Variants in GYPE observed in about 807,000 individuals in gnomAD.
GYPE encodes glycophorin-E.
Under a neutral mutation model 11.6 loss-of-function variants are expected in GYPE, and 8 were observed. The observed-to-expected ratio is 0.69, with a 90% CI of 0.41 to 1.25. The LOEUF is 1.25. Ranked by LOEUF, GYPE falls within the 50% of genes most tolerant of loss-of-function variation. The probability of loss-of-function intolerance (pLI) is 0.01; values close to 1 mark genes in which losing one functional copy is unlikely to be tolerated. For synonymous variants in GYPE, 28 were observed against 29.6 expected, an observed-to-expected ratio of 0.94 and a Z score of 0.18; for missense variants, 90 against 92.8, an observed-to-expected ratio of 0.97 and a Z score of 0.12.
intron 1 of GYPE, among the ~76,000 whole-genome samples, chr4:143,898,289 A>G (rs1446851791): frequency 6.6e-6 from 1 of 152,162 alleles, no homozygotes; most frequent in African/African-American, 2.4e-5. Flanking sequence ...AGGCAGGAGA[A>G]TTGCTTGAAC....
intron 1 of GYPE, among the ~76,000 whole-genome samples, chr4:143,889,202 A>G (rs1469108422): frequency 2.0e-5 from 3 of 151,922 alleles, no homozygotes; most frequent in Non-Finnish European, 4.4e-5. Context: ...GCTTCCCTTC[A>G]GGAAGCCTGA....
At chr4:143,894,851 T>G (rs1470848413) in intron 1 of GYPE, among the ~76,000 whole-genome samples, 1 of 151,938 alleles carries the variant, frequency 6.6e-6, no homozygotes, top group Non-Finnish European at 1.5e-5. Context: ...TGGTTCAATA[T>G]ACGCAAATCA....
intron 3 of GYPE, chr4:143,873,498 G>T: frequency 4.4e-6 from 2 of 455,496 alleles, no homozygotes; most frequent in South Asian, 3.1e-5. Context: ...AGAGCCATGA[G>T]AAGGGTCAAG....
At chr4:143,893,670 C>A (rs555944724) in intron 1 of GYPE, among the ~76,000 whole-genome samples, 3 of 152,190 alleles carry the variant, frequency 2.0e-5, no homozygotes, top group African/African-American at 7.2e-5. Flanking sequence ...GAGTTTCTGC[C>A]GAGAGATCTG....
chr4:143,892,669 G>A (rs1415719847), intron 1 of GYPE, among the ~76,000 whole-genome samples: 3 of 151,830 alleles, frequency 2.0e-5, no homozygotes, highest in Non-Finnish European at 4.4e-5. Context: ...ACTGTGGTCT[G>A]AGAGACAGTT....
rs1323012766 is a variant in GYPE at position 143,872,088 on chromosome 4, C to T, written c.*174G>A. The T allele has an allele frequency of 3.9e-5, 6 of 152,466 alleles. No homozygotes were observed. The highest frequency in any genetic ancestry group is 7.4e-5 in the Non-Finnish European group (5 of 68,022). The allele number at this position is 152,466 out of a possible 1,614,324, so 9.4% of individuals were successfully genotyped here. ...AAATTCTCTCTACGCCTTTGAGAGA[C>T]TCAGCATTTAGTTTCTGACTCCTAG... is the stretch of plus-strand genomic sequence containing the variant. On this transcript the variant is annotated 3_prime_UTR_variant, in exon 4 of 4. Transcript: ENST00000358615.
chr4:143,881,947 C>T (rs1386974596), intron 1 of GYPE, among the ~76,000 whole-genome samples: 2 of 152,152 alleles, frequency 1.3e-5, no homozygotes, highest in African/African-American at 2.4e-5. Flanking sequence ...AAAACATCTT[C>T]TCTGACACCT....
Position 143,905,504 on chromosome 4 carries a change from A to T in GYPE, c.4T>A (p.Tyr2Asn). The T allele has an allele frequency of 6.2e-7, 1 of 1,613,280 alleles. No individual in the cohort carries two copies. The highest frequency in any genetic ancestry group is 8.5e-7 in the Non-Finnish European group (1 of 1,179,338). Residue 2 changes from tyrosine (Y) to asparagine (N), a missense_variant, in exon 1 of 4, where the codon TAT becomes AAT. By Grantham distance (143) the Tyr-to-Asn change is moderately radical. Transcript: ENST00000358615. ...AGTAATACAAAGATTATTTTTCCAT[A>T]CATCCTGAGATCACGAGCTGGCTCC... MYGKIIFVLLLS... is the reference protein window; with the variant it reads MNGKIIFVLLLS...
At chr4:143,877,861 G>A (rs977996822) in intron 2 of GYPE, among the ~76,000 whole-genome samples, 2 of 148,204 alleles carry the variant, frequency 1.3e-5, no homozygotes, top group African/African-American at 5.0e-5. Flanking sequence ...CTTCAGCAGA[G>A]GTTGTCAAGA....
rs143669744 is a variant in GYPE, at chr4:143,901,162, A to G, written c.37+4309T>C. On this transcript the variant is annotated intron_variant, in intron 1 of 3. Coordinates refer to ENST00000358615, the MANE Select transcript of GYPE (RefSeq NM_198682.3). ...ACCAAAGTTGATCAAATAACTGTTTATAGAACTTTGTACACTACAAACAAA... is the reference window on the plus strand; with the variant it reads ...ACCAAAGTTGATCAAATAACTGTTTGTAGAACTTTGTACACTACAAACAAA... Among the ~76,000 whole-genome samples, 1,075 of 152,238 alleles carry G rather than the reference A, an allele frequency of 7.1e-3. 13 individuals carry two copies. Among genetic ancestry groups the G allele is most frequent in the African/African-American group, 0.024 (1,000 of 41,532 alleles).
At chr4:143,897,313 A>C (rs552226422) in intron 1 of GYPE, among the ~76,000 whole-genome samples, 3 of 151,766 alleles carry the variant, frequency 2.0e-5, no homozygotes, top group African/African-American at 4.8e-5. Flanking sequence ...ATTAAATAAC[A>C]AAAAAATTAG....
At chr4:143,875,433 G>T in intron 3 of GYPE, 1 of 1,549,852 alleles carries the variant, frequency 6.5e-7, no homozygotes, top group African/African-American at 1.4e-5. Flanking sequence ...GGTGCAGCCA[G>T]TTTGCATAAG....
intron 1 of GYPE, among the ~76,000 whole-genome samples, chr4:143,885,595 A>G (rs1744200279): frequency 6.6e-6 from 1 of 152,094 alleles, no homozygotes; most frequent in Non-Finnish European, 1.5e-5. Flanking sequence ...AACTTAGACC[A>G]TAATGCCTCT....
chr4:143,894,100 A>G (rs1190077607), intron 1 of GYPE, among the ~76,000 whole-genome samples: 1 of 152,024 alleles, frequency 6.6e-6, no homozygotes, highest in Non-Finnish European at 1.5e-5. Flanking sequence ...AGTTGATCAC[A>G]TTGGCTCCTG....
At chr4:143,900,246 C>G (rs1744810319) in intron 1 of GYPE, among the ~76,000 whole-genome samples, 1 of 128,518 alleles carries the variant, frequency 7.8e-6, no homozygotes, top group African/African-American at 2.8e-5. Context: ...CAGTGAAAAA[C>G]CATTTCATAC....
intron 1 of GYPE, among the ~76,000 whole-genome samples, chr4:143,903,090 A>G (rs1339019395): frequency 6.6e-6 from 1 of 152,082 alleles, no homozygotes; most frequent in African/African-American, 2.4e-5. Context: ...CACGTTTAGC[A>G]TAAATGTCAT....
intron 1 of GYPE, 71 bp downstream of exon 1, chr4:143,905,400 G>A (rs1190187597): frequency 3.1e-6 from 5 of 1,606,868 alleles, no homozygotes; most frequent in Admixed American, 3.4e-5. Flanking sequence ...AACTAAAATA[G>A]GGTAGTTTAC....
chr4:143,903,432 G>C (rs1744938647), intron 1 of GYPE, among the ~76,000 whole-genome samples: 1 of 144,176 alleles, frequency 6.9e-6, no homozygotes, highest in African/African-American at 2.6e-5. Context: ...TTCTCCATTT[G>C]GAAGAAGATC....
intron 1 of GYPE, among the ~76,000 whole-genome samples, chr4:143,894,548 G>T (rs539030180): frequency 6.6e-6 from 1 of 152,130 alleles, no homozygotes; most frequent in South Asian, 2.1e-4. Flanking sequence ...CTCAGCTGCA[G>T]GTCTGTCGGA....
Sources: gnomAD v4.1 joint callset for allele counts (sites outside exome capture counted in the v4.1 genomes callset) on GRCh38, gnomAD v4.1.1 for gene constraint, MANE v1.5 for transcripts, NCBI Gene and HGNC (gene_info 2026-07-23, HGNC 2026-07-21) for gene names.